The following KANSL1 variants were observed in gnomAD, a reference collection of about 807,000 sequenced individuals.
KANSL1 encodes the protein KAT8 regulatory NSL complex subunit 1, also known as MLL1/MLL complex subunit KANSL1.
In KANSL1, 22 loss-of-function variants were observed where a neutral mutation model predicts 103.6. The observed-to-expected ratio is 0.21, with a 90% confidence interval of 0.15 to 0.30. The LOEUF is 0.30. Ranked by LOEUF, KANSL1 falls within the 10% of genes least tolerant of loss-of-function variation. The pLI, the probability that KANSL1 is intolerant of heterozygous loss-of-function variation, is 1.00. For synonymous variants in KANSL1, 600 were observed against 527.6 expected (o/e 1.14, Z -1.88); for missense variants, 1,337 against 1,399.8 (o/e 0.96, Z 0.72).
rs1431776007 is a variant in KANSL1 at position 46,094,585 on chromosome 17, A to G, written c.1406T>C (p.Ile469Thr). The change falls in exon 3 of 15, where the codon ATT becomes ACT. Residue 469 changes from isoleucine to threonine, a missense_variant. Coordinates refer to ENST00000432791, the MANE Select transcript of KANSL1 (RefSeq NM_015443.4). ...LEYRIRQQTD[I>T]YKQIRANKGL... ...CTTATTAGCACGTATCTGTTTGTAAATGTCTGTTTGCTGACGAATTCGATA... is the reference window on the plus strand; with the variant it reads ...CTTATTAGCACGTATCTGTTTGTAAGTGTCTGTTTGCTGACGAATTCGATA... 1 of 1,613,502 alleles carries G rather than the reference A, an allele frequency of 6.2e-7. No individual in the cohort carries two copies. Among genetic ancestry groups the G allele is most frequent in the East Asian group, 2.2e-5 (1 of 44,870 alleles).
intron 2 of KANSL1, among the ~76,000 whole-genome samples, chr17:46,113,361 C>A (rs780496938): frequency 6.6e-6 from 1 of 152,180 alleles, no homozygotes. Flanking sequence ...GGTCTGTTAA[C>A]AATCAAATGA....
At chr17:46,190,184 G>A (rs1177367862) in intron 1 of KANSL1, among the ~76,000 whole-genome samples, 1 of 152,246 alleles carries the variant, frequency 6.6e-6, no homozygotes, top group Non-Finnish European at 1.5e-5. Context: ...AGATGGAAGA[G>A]TAGCCTTAGT....
chr17:46,175,346 G>A (rs2046471461), intron 1 of KANSL1, among the ~76,000 whole-genome samples: 1 of 150,026 alleles, frequency 6.7e-6, no homozygotes, highest in East Asian at 2.0e-4. Flanking sequence ...GTGTGTGTGT[G>A]TGTGTGTGTG....
At chr17:46,223,757 G>A (rs2048601463), upstream of KANSL1, 1 of 152,658 alleles carries the variant, frequency 6.6e-6, no homozygotes. Flanking sequence ...AATTCCCTCG[G>A]TTACCAAGTA....
At chr17:46,158,665 C>T (rs548083622) in intron 2 of KANSL1, among the ~76,000 whole-genome samples, 3 of 152,178 alleles carry the variant, frequency 2.0e-5, no homozygotes, top group Non-Finnish European at 4.4e-5. Context: ...CTCAGCGTCC[C>T]GAGTAGCTGG....
At chr17:46,108,589 A>G (rs1215381480) in intron 2 of KANSL1, among the ~76,000 whole-genome samples, 3 of 152,214 alleles carry the variant, frequency 2.0e-5, no homozygotes, top group African/African-American at 7.2e-5. Context: ...CTTGTTCACC[A>G]TAATATCTCT....
At chr17:46,080,700 TC>T (rs2078958032) in intron 4 of KANSL1, among the ~76,000 whole-genome samples, 1 of 149,922 alleles carries the variant, frequency 6.7e-6, no homozygotes, top group South Asian at 2.1e-4. Flanking sequence ...TTGTCCCTGC[TC>T]CCCCCACCCC....
chr17:46,100,037 T>C (rs1262277961), intron 2 of KANSL1, among the ~76,000 whole-genome samples: 1 of 152,232 alleles, frequency 6.6e-6, no homozygotes, highest in Non-Finnish European at 1.5e-5. Flanking sequence ...ATATAAATAT[T>C]TCATTAGCTA....
intron 2 of KANSL1, among the ~76,000 whole-genome samples, chr17:46,108,602 G>A (rs965979466): frequency 6.6e-6 from 1 of 152,284 alleles, no homozygotes; most frequent in African/African-American, 2.4e-5. Flanking sequence ...ATATCTCTGG[G>A]TGCTTGGAAC....
intron 6 of KANSL1, among the ~76,000 whole-genome samples, chr17:46,055,681 A>T (rs979402756): frequency 8.5e-5 from 13 of 152,310 alleles, no homozygotes; most frequent in African/African-American, 3.1e-4. Flanking sequence ...AATGTAAGGA[A>T]CCATTCCCCA....
At chr17:46,062,693 C>T (rs370050184) in intron 6 of KANSL1, among the ~76,000 whole-genome samples, 12 of 151,320 alleles carry the variant, frequency 7.9e-5, no homozygotes, top group East Asian at 5.9e-4. Context: ...CTGCACTAAA[C>T]GTGCATCTCA....
rs554142966 is a variant in KANSL1, at chr17:46,038,709, G to A, written c.2393-23C>T. 5 of 1,613,696 alleles carry A rather than the reference G, an allele frequency of 3.1e-6. No individual in the cohort carries two copies. In the African/African-American group the frequency reaches 4.0e-5, roughly 13 times the overall value. On this transcript the variant is annotated intron_variant, in intron 9 of 14. Coordinates refer to ENST00000432791, the MANE Select transcript of KANSL1 (RefSeq NM_015443.4). ...ACACTGCAGAAGTCAACAGAAAAGA[G>A]AGAAATACATGGCTATCTTAACCAG...
At chr17:46,121,793 TG>T (rs1305302142) in intron 2 of KANSL1, among the ~76,000 whole-genome samples, 2 of 152,226 alleles carry the variant, frequency 1.3e-5, no homozygotes, top group African/African-American at 2.4e-5. Flanking sequence ...ATGGGGGTTT[TG>T]TCCCAATAAA....
At chr17:46,182,008 C>T (rs1211091899) in intron 1 of KANSL1, among the ~76,000 whole-genome samples, 1 of 151,734 alleles carries the variant, frequency 6.6e-6, no homozygotes, top group Non-Finnish European at 1.5e-5. Context: ...CTTAAAGTCA[C>T]TGTCATTCAG....
chr17:46,160,368 A>G (rs547190603), intron 2 of KANSL1, among the ~76,000 whole-genome samples: 4 of 152,152 alleles, frequency 2.6e-5, no homozygotes, highest in African/African-American at 9.6e-5. Context: ...TGCAATCTCG[A>G]CTCACTGCAA....
At chr17:46,128,696 T>C (rs1270628572) in intron 2 of KANSL1, among the ~76,000 whole-genome samples, 1 of 152,172 alleles carries the variant, frequency 6.6e-6, no homozygotes, top group Non-Finnish European at 1.5e-5. Context: ...ACTTAGCTTG[T>C]TGAGCAAGGC....
chr17:46,174,458 C>G (rs916336641), intron 1 of KANSL1, among the ~76,000 whole-genome samples: 2 of 152,364 alleles, frequency 1.3e-5, no homozygotes, highest in East Asian at 3.9e-4. Context: ...GCTGGGATTA[C>G]AGGCCTAAGC....
At chr17:46,053,905 G>A (rs992380224) in intron 6 of KANSL1, among the ~76,000 whole-genome samples, 1 of 152,166 alleles carries the variant, frequency 6.6e-6, no homozygotes, top group Non-Finnish European at 1.5e-5. Flanking sequence ...TCATCTGCAT[G>A]AATTCATTTA....
intron 2 of KANSL1, among the ~76,000 whole-genome samples, chr17:46,144,647 C>A (rs1480808371): frequency 2.0e-5 from 3 of 151,696 alleles, no homozygotes; most frequent in Non-Finnish European, 4.4e-5. Context: ...CCCCCTTCAC[C>A]AAAAAGATTA....
Sources: gnomAD v4.1 joint callset for allele counts (sites outside exome capture counted in the v4.1 genomes callset) on GRCh38, gnomAD v4.1.1 for gene constraint, MANE v1.5 for transcripts, NCBI Gene and HGNC (gene_info 2026-07-23, HGNC 2026-07-21) for gene names.